PPM1B: variants seen among roughly 807,000 people sequenced by gnomAD.
The protein encoded by PPM1B is protein phosphatase, Mg2+/Mn2+ dependent 1B.
Under a neutral mutation model 43.0 loss-of-function variants are expected in PPM1B, and 22 were observed. That is an observed-to-expected ratio of 0.51 (90% confidence interval 0.37 to 0.73). The LOEUF is 0.73. Among genes scored for constraint, PPM1B ranks in the 30% least tolerant of loss-of-function variants. PPM1B has a pLI of 0.00. For synonymous variants in PPM1B, 217 were observed against 197.9 expected, an observed-to-expected ratio of 1.10 and a Z score of -0.81; for missense variants, 632 against 584.2, an observed-to-expected ratio of 1.08 and a Z score of -0.84.
Position 44,201,589 on chromosome 2 carries a change from T to C in PPM1B, c.390T>C (p.Ser130=). 2 of 1,613,896 alleles carry C rather than the reference T, an allele frequency of 1.2e-6. No individual in the cohort carries two copies. Among genetic ancestry groups the C allele is most frequent in the Non-Finnish European group, 1.7e-6 (2 of 1,179,978 alleles). The change falls in exon 2 of 6, where the codon AGT becomes AGC. Residue 130 remains serine, a synonymous_variant. Transcript: ENST00000282412. The surrounding 1 kb of genome is among the most constrained non-coding windows in gnomAD (Gnocchi z 5.4). ...FSDLRNGMDR[S]GSTAVGVMIS... ...ACCTCAGAAACGGGATGGACAGGAG[T>C]GGTTCAACTGCAGTGGGAGTTATGA...
At chr2:44,196,059 G>C (rs1668647059) in intron 1 of PPM1B, among the ~76,000 whole-genome samples, 1 of 152,164 alleles carries the variant, frequency 6.6e-6, no homozygotes, top group Admixed American at 6.5e-5. Flanking sequence ...AGTGAGAACT[G>C]TCCACTTGAA....
intron 5 of PPM1B, among the ~76,000 whole-genome samples, chr2:44,240,152 C>A (rs541975641): frequency 2.1e-5 from 3 of 145,908 alleles, no homozygotes; most frequent in Non-Finnish European, 4.6e-5. Flanking sequence ...GGAGTACAGA[C>A]ATGAGCCACC....
chr2:44,190,829 T>C (rs1438407100), intron 1 of PPM1B, among the ~76,000 whole-genome samples: 1 of 152,224 alleles, frequency 6.6e-6, no homozygotes, highest in East Asian at 1.9e-4. Context: ...GAAATGGGTA[T>C]TTAATGACCA....
At chr2:44,208,486 G>A (rs1355532031) in intron 2 of PPM1B, among the ~76,000 whole-genome samples, 1 of 152,016 alleles carries the variant, frequency 6.6e-6, no homozygotes, top group South Asian at 2.1e-4. Context: ...GCTGAGGTGG[G>A]TGGATCACCT....
At chr2:44,220,607 AC>A (rs1669935117) in intron 5 of PPM1B, among the ~76,000 whole-genome samples, 2 of 152,240 alleles carry the variant, frequency 1.3e-5, no homozygotes, top group African/African-American at 4.8e-5. Context: ...GAGGGAGAAG[AC>A]TAGAAAACGT....
rs1388386765 is a variant in PPM1B, at chr2:44,230,789, T to C, written c.*71T>C. 9 of 1,522,440 alleles carry C rather than the reference T, an allele frequency of 5.9e-6. No individual in the cohort carries two copies. The highest frequency in any genetic ancestry group is 7.9e-6 in the Non-Finnish European group (9 of 1,136,962). The allele number at this position is 1,522,440 out of a possible 1,614,324, so 94.3% of individuals were successfully genotyped here. A position where few individuals can be genotyped will look rare whatever the true frequency, so the allele number is the denominator to read the frequency against. On this transcript the variant is annotated 3_prime_UTR_variant, in exon 6 of 6. Transcript: ENST00000282412. ...CTAGGAAGTGTAATGTATGCATTTA[T>C]ATAACTGTTTTGTTATTTGAATCTT...
rs115301068 is a variant in PPM1B at position 44,196,347 on chromosome 2, T to C, written c.-14-4839T>C. ...CTTCTATTGGAGTTTCTCTAATGCT[T>C]TTCTTATGATTAGACTGGGGTTATT... On this transcript the variant is annotated intron_variant, in intron 1 of 5. Transcript: ENST00000282412. Among the ~76,000 whole-genome samples the C allele has an allele frequency of 9.4e-3, 1,426 of 152,282 alleles. 18 individuals are homozygous for C. The highest frequency in any genetic ancestry group is 0.011 in the Non-Finnish European group (731 of 68,024).
intron 3 of PPM1B, 76 bp from the exon 4 acceptor site, chr2:44,217,891 A>G: frequency 1.2e-6 from 1 of 823,800 alleles, no homozygotes; most frequent in South Asian, 2.8e-5. Flanking sequence ...ACTACCAAAT[A>G]GTATCTCTTG....
At chr2:44,216,415 T>C (rs897592647) in intron 3 of PPM1B, among the ~76,000 whole-genome samples, 1 of 152,164 alleles carries the variant, frequency 6.6e-6, no homozygotes, top group Non-Finnish European at 1.5e-5. Flanking sequence ...AGAAGCCTTA[T>C]ACTATAAGAC....
chr2:44,185,348 G>T (rs1425422267), intron 1 of PPM1B, among the ~76,000 whole-genome samples: 1 of 152,104 alleles, frequency 6.6e-6, no homozygotes. Context: ...TTCTGTTTTT[G>T]ATATAGCCTG....
chr2:44,229,453 GT>G (rs1045662799), intron 5 of PPM1B, among the ~76,000 whole-genome samples: 46 of 152,096 alleles, frequency 3.0e-4, no homozygotes, highest in Admixed American at 6.5e-4. Flanking sequence ...CCCCTCACCT[GT>G]TTTTTTCCCC....
At chr2:44,181,129 T>G (rs1455846938) in intron 1 of PPM1B, among the ~76,000 whole-genome samples, 1 of 152,100 alleles carries the variant, frequency 6.6e-6, no homozygotes, top group Non-Finnish European at 1.5e-5. Context: ...ATTGTTTGTA[T>G]AGACAGAGTC....
At chr2:44,225,852 C>T (rs1157487894) in intron 5 of PPM1B, among the ~76,000 whole-genome samples, 3 of 151,592 alleles carry the variant, frequency 2.0e-5, no homozygotes, top group Non-Finnish European at 4.4e-5. Flanking sequence ...AGATGGGTTT[C>T]ACCATGTTGA....
downstream of PPM1B, chr2:44,234,588 C>G: frequency 1.0e-6 from 1 of 981,148 alleles, no homozygotes; most frequent in Non-Finnish European, 1.2e-6. Context: ...GTGCTTGAAA[C>G]AGAAATAATG....
intron 1 of PPM1B, among the ~76,000 whole-genome samples, chr2:44,199,039 A>G (rs2104114088): frequency 6.6e-6 from 1 of 152,174 alleles, no homozygotes; most frequent in South Asian, 2.1e-4. Flanking sequence ...TGGGCAGATC[A>G]CAAGGTCAGG....
chr2:44,186,563 C>T lies in PPM1B; in HGVS notation c.-14-14623C>T, dbSNP rs190823231. ...TTTGAAGTTTTTTTTTTTATAGAGA[C>T]AGGGTCTCACTATGTTGCCCAGGCT... On this transcript the variant is annotated intron_variant, in intron 1 of 5. Coordinates refer to ENST00000282412, the MANE Select transcript of PPM1B (RefSeq NM_002706.6). Among the ~76,000 whole-genome samples the T allele has an allele frequency of 7.9e-5, 12 of 152,012 alleles. No individual in the cohort carries two copies. The South Asian group carries it at 1.9e-3, about 24-fold the overall frequency.
At chr2:44,244,375 T>C (rs1670813066) in exon 6 of PPM1B, 1 of 1,351,462 alleles carries the variant, frequency 7.4e-7, no homozygotes, top group East Asian at 4.6e-5. Flanking sequence ...CCCAGCATTA[T>C]ATAATTATAG....
chr2:44,224,823 C>G (rs949771721), intron 5 of PPM1B, among the ~76,000 whole-genome samples: 2 of 152,042 alleles, frequency 1.3e-5, no homozygotes, highest in Non-Finnish European at 2.9e-5. Flanking sequence ...AACTAGTGTT[C>G]TATAGTTTTA....
intron 1 of PPM1B, among the ~76,000 whole-genome samples, chr2:44,174,531 C>T (rs1038063019): frequency 6.6e-6 from 1 of 152,110 alleles, no homozygotes; most frequent in Non-Finnish European, 1.5e-5. Context: ...AAAACCTTGT[C>T]TTTTATAGAA....
Sources: gnomAD v4.1 joint callset for allele counts (sites outside exome capture counted in the v4.1 genomes callset) on GRCh38, gnomAD v4.1.1 for gene constraint, Gnocchi (gnomAD v3.1) non-coding constraint, MANE v1.5 for transcripts, NCBI Gene and HGNC (gene_info 2026-07-23, HGNC 2026-07-21) for gene names.